The following RBFOX1 variants were observed in gnomAD, a reference collection of about 807,000 sequenced individuals.
The protein encoded by RBFOX1 is RNA binding protein fox-1 homolog 1.
Under a neutral mutation model 57.7 loss-of-function variants are expected in RBFOX1, and 8 were observed. That is an observed-to-expected ratio of 0.14 (90% CI 0.08 to 0.25). The LOEUF is 0.25. Among genes scored for constraint, RBFOX1 ranks in the 10% least tolerant of loss-of-function variants. RBFOX1 has a pLI of 1.00. For synonymous variants in RBFOX1, 326 were observed against 222.4 expected (o/e 1.47, Z -4.15); for missense variants, 611 against 548.5 (o/e 1.11, Z -1.14).
chr16:7,103,483 G>C (rs1176771681), intron 4 of RBFOX1, among the ~76,000 whole-genome samples: 2 of 152,112 alleles, frequency 1.3e-5, no homozygotes, highest in South Asian at 2.1e-4. Flanking sequence ...ATATGAATTG[G>C]TATGAAAAGA....
At chr16:6,193,392 CTA>C (rs55707901) in intron 1 of RBFOX1, among the ~76,000 whole-genome samples, 1,681 of 43,142 alleles carry the variant, frequency 0.039, 71 homozygotes, top group African/African-American at 0.087. Flanking sequence ...TATATATATA[CTA>C]TATATATATA....
At chr16:5,800,002 C>T (rs1269245668) in intron 3 of RBFOX1, among the ~76,000 whole-genome samples, 1 of 152,024 alleles carries the variant, frequency 6.6e-6, no homozygotes, top group African/African-American at 2.4e-5. Flanking sequence ...GATATATTTG[C>T]ATGTTCCATT....
intron 4 of RBFOX1, among the ~76,000 whole-genome samples, chr16:7,413,529 C>T (rs1256111499): frequency 2.6e-5 from 4 of 152,010 alleles, no homozygotes; most frequent in East Asian, 1.9e-4. Flanking sequence ...ACTGAGATGC[C>T]CTCTGTCTCC....
intron 1 of RBFOX1, among the ~76,000 whole-genome samples, chr16:6,168,467 A>G (rs1303329563): frequency 6.6e-6 from 1 of 152,206 alleles, no homozygotes; most frequent in Non-Finnish European, 1.5e-5. Flanking sequence ...AGACTTCTGA[A>G]CTTGGGTTCC....
intron 3 of RBFOX1, among the ~76,000 whole-genome samples, chr16:6,795,646 A>C (rs998163921): frequency 2.0e-5 from 3 of 152,062 alleles, no homozygotes; most frequent in Admixed American, 2.0e-4. Flanking sequence ...GGTGCCTGTA[A>C]TCCCAGCTAC....
At chr16:7,611,687 C>T (rs901590816) in intron 10 of RBFOX1, among the ~76,000 whole-genome samples, 1 of 152,034 alleles carries the variant, frequency 6.6e-6, no homozygotes, top group African/African-American at 2.4e-5. Flanking sequence ...CAGGAAGAGC[C>T]ATTGCACTTA....
At chr16:7,181,084 G>A (rs2082601232) in intron 4 of RBFOX1, among the ~76,000 whole-genome samples, 1 of 152,226 alleles carries the variant, frequency 6.6e-6, no homozygotes, top group African/African-American at 2.4e-5. Context: ...ATGGCTTACT[G>A]ACCCCCTGCT....
intron 2 of RBFOX1, among the ~76,000 whole-genome samples, chr16:5,491,393 G>C (rs573020929): frequency 1.3e-5 from 2 of 152,296 alleles, no homozygotes; most frequent in South Asian, 4.1e-4. Context: ...TCGCACAGTA[G>C]TGTGTATTCT....
At chr16:6,357,111 C>CT (rs1191427037) in intron 2 of RBFOX1, among the ~76,000 whole-genome samples, 1 of 152,050 alleles carries the variant, frequency 6.6e-6, no homozygotes, top group East Asian at 1.9e-4. Context: ...CCCTCCCCTC[C>CT]TGCCCTGCTT....
chr16:6,652,649 C>G (rs1336305094), intron 2 of RBFOX1, among the ~76,000 whole-genome samples: 3 of 151,990 alleles, frequency 2.0e-5, no homozygotes, highest in Non-Finnish European at 2.9e-5. Flanking sequence ...TTGAAGTCAC[C>G]TAGTCTGTAA....
chr16:7,201,203 G>A (rs1019699786), intron 4 of RBFOX1, among the ~76,000 whole-genome samples: 1 of 152,166 alleles, frequency 6.6e-6, no homozygotes, highest in African/African-American at 2.4e-5. Context: ...TCTGGTATAT[G>A]CACCTCTCAG....
intron 4 of RBFOX1, among the ~76,000 whole-genome samples, chr16:7,212,536 G>A (rs956009020): frequency 1.3e-5 from 2 of 152,066 alleles, no homozygotes; most frequent in African/African-American, 2.4e-5. Context: ...AGAATAATGG[G>A]ATCAGTCCTG....
At chr16:6,524,324 C>T (rs1425685552) in intron 2 of RBFOX1, among the ~76,000 whole-genome samples, 5 of 152,350 alleles carry the variant, frequency 3.3e-5, no homozygotes, top group African/African-American at 1.2e-4. Flanking sequence ...ATGACTGTAT[C>T]TCGTTCCTTT....
chr16:6,767,721 C>T (rs948368390), intron 3 of RBFOX1, among the ~76,000 whole-genome samples: 2 of 151,862 alleles, frequency 1.3e-5, no homozygotes, highest in East Asian at 1.9e-4. Context: ...CGAGAGCAGC[C>T]TGGCCAATAT....
chr16:6,347,949 C>G (rs549042004), intron 2 of RBFOX1, among the ~76,000 whole-genome samples: 11 of 152,310 alleles, frequency 7.2e-5, no homozygotes, highest in African/African-American at 2.4e-4. Context: ...GCATCTCAGC[C>G]TAGCTTACTC....
intron 4 of RBFOX1, among the ~76,000 whole-genome samples, chr16:7,069,532 C>A (rs1416338257): frequency 1.3e-5 from 2 of 152,166 alleles, no homozygotes; most frequent in Non-Finnish European, 2.9e-5. Context: ...TGATAGTGTG[C>A]TTTTACACTG....
intron 2 of RBFOX1, among the ~76,000 whole-genome samples, chr16:6,535,639 A>G (rs1033442246): frequency 2.3e-4 from 35 of 152,186 alleles, no homozygotes; most frequent in East Asian, 7.7e-4. Flanking sequence ...CCATCCATCA[A>G]CCGTTGCTCC....
intron 3 of RBFOX1, among the ~76,000 whole-genome samples, chr16:6,814,131 A>C (rs1306919697): frequency 6.6e-6 from 1 of 152,170 alleles, no homozygotes; most frequent in Non-Finnish European, 1.5e-5. Context: ...AGCTTATTTA[A>C]AACTCCTAGA....
At chr16:5,622,621 C>T (rs929245194) in intron 3 of RBFOX1, among the ~76,000 whole-genome samples, 15 of 152,196 alleles carry the variant, frequency 9.9e-5, no homozygotes, top group East Asian at 1.9e-4. Flanking sequence ...AGGCCAAATC[C>T]GGCCCGATGC....
Sources: gnomAD v4.1 joint callset for allele counts (sites outside exome capture counted in the v4.1 genomes callset) on GRCh38, gnomAD v4.1.1 for gene constraint, MANE v1.5 for transcripts, NCBI Gene and HGNC (gene_info 2026-07-23, HGNC 2026-07-21) for gene names.